DST: variants seen among roughly 807,000 people sequenced by gnomAD.
The protein encoded by DST is bullous pemphigoid antigen.
DST carries 253 observed loss-of-function variants against 875.2 expected under a neutral mutation model. That is an observed-to-expected ratio of 0.29 (90% CI 0.26 to 0.32). The LOEUF is 0.32. DST is among the 10% of genes least tolerant of loss of function. The probability of loss-of-function intolerance (pLI) is 1.00; values close to 1 mark genes in which losing one functional copy is unlikely to be tolerated. For synonymous variants in DST, 3,124 were observed against 3,197.1 expected (o/e 0.98, Z 0.77); for missense variants, 8,287 against 9,111.6 (o/e 0.91, Z 3.68).
chr6:56,639,845 A>G (rs900745672), intron 19 of DST, 72 bp from the exon 20 acceptor site: 23 of 1,583,048 alleles, frequency 1.5e-5, no homozygotes, highest in Middle Eastern at 4.1e-4. Context: ...TAATGTATCT[A>G]TTATTGATTT....
intron 10 of DST, among the ~76,000 whole-genome samples, chr6:56,656,334 G>A (rs1039604320): frequency 6.6e-6 from 1 of 152,258 alleles, no homozygotes; most frequent in Admixed American, 6.5e-5. Flanking sequence ...AAAAGCACAT[G>A]TTGCTGCTTC....
At chr6:56,731,290 C>T (rs976710792) in intron 5 of DST, among the ~76,000 whole-genome samples, 15 of 152,218 alleles carry the variant, frequency 9.9e-5, no homozygotes, top group Non-Finnish European at 2.1e-4. Flanking sequence ...CAGGGTCACA[C>T]CACGTTACCC....
At chr6:56,835,871 C>T (rs879442316) in intron 4 of DST, among the ~76,000 whole-genome samples, 9 of 152,196 alleles carry the variant, frequency 5.9e-5, no homozygotes, top group Non-Finnish European at 1.0e-4. Context: ...ACTTTGTCAA[C>T]GCTCTTTGAC....
chr6:56,497,300 AT>A, intron 82 of DST, 78 bp downstream of exon 82: 1 of 1,519,722 alleles, frequency 6.6e-7, no homozygotes, highest in East Asian at 2.3e-5. Context: ...TTCTCCCACG[AT>A]TTATGTATCG....
chr6:56,627,179 T>A, intron 34 of DST, 25 bp downstream of exon 34: 3 of 1,527,740 alleles, frequency 2.0e-6, no homozygotes, highest in Non-Finnish European at 2.7e-6. Flanking sequence ...TATTAAATTT[T>A]ACTAAAGTTA....
chr6:56,598,145 T>G, intron 46 of DST, 139 bp from the exon 47 acceptor site: 1 of 866,074 alleles, frequency 1.2e-6, no homozygotes, highest in Non-Finnish European at 1.6e-6. Flanking sequence ...ACTTAACAAC[T>G]GAAATTAAAC....
chr6:56,918,167 C>T (rs1802262411), intron 2 of DST, among the ~76,000 whole-genome samples: 1 of 149,932 alleles, frequency 6.7e-6, no homozygotes, highest in African/African-American at 2.5e-5. Context: ...TGCTTTGTCA[C>T]CCAAGCTGGA....
At chr6:56,793,303 C>T (rs376633877) in intron 4 of DST, among the ~76,000 whole-genome samples, 1 of 151,916 alleles carries the variant, frequency 6.6e-6, no homozygotes, top group African/African-American at 2.4e-5. Context: ...TCTGACAACA[C>T]AAATACTTAA....
At chr6:56,954,371 T>C (rs528418471) in intron 1 of DST, 36 bp downstream of exon 1, 191 of 1,344,310 alleles carry the variant, frequency 1.4e-4, no homozygotes, top group Non-Finnish European at 1.8e-4. Context: ...TAATTGTTCC[T>C]GGTAGCCCGC....
At chr6:56,475,813 C>G (rs142700690) in intron 92 of DST, among the ~76,000 whole-genome samples, 3,836 of 152,158 alleles carry the variant, frequency 0.025, 73 homozygotes, top group Non-Finnish European at 0.043. Context: ...AAAGAGGGAA[C>G]AGAGTGAGAG....
At chr6:56,538,203 T>C (rs2097051822) in intron 61 of DST, among the ~76,000 whole-genome samples, 1 of 152,190 alleles carries the variant, frequency 6.6e-6, no homozygotes, top group Non-Finnish European at 1.5e-5. Flanking sequence ...TTGTCCAGGC[T>C]GGTCTCAAAC....
At chr6:56,801,231 G>C (rs936352258) in intron 4 of DST, among the ~76,000 whole-genome samples, 7 of 151,882 alleles carry the variant, frequency 4.6e-5, no homozygotes, top group African/African-American at 1.7e-4. Context: ...TCTCATCCAG[G>C]ACGACAATGC....
intron 3 of DST, among the ~76,000 whole-genome samples, chr6:56,870,998 T>C (rs1776828568): frequency 6.6e-6 from 1 of 151,892 alleles, no homozygotes; most frequent in Non-Finnish European, 1.5e-5. Flanking sequence ...AGAATATGTA[T>C]ATATAAAGAA....
intron 4 of DST, among the ~76,000 whole-genome samples, chr6:56,772,018 A>C (rs1348520967): frequency 6.6e-6 from 1 of 152,230 alleles, no homozygotes; most frequent in East Asian, 1.9e-4. Context: ...AGTATTAGTT[A>C]TAAAAGGTTC....
chr6:56,471,060 T>C (rs1026829383), intron 95 of DST, 46 bp downstream of exon 95: 42 of 1,556,948 alleles, frequency 2.7e-5, no homozygotes, highest in Non-Finnish European at 3.6e-5. Flanking sequence ...TGTGCTTATT[T>C]CCTTTAAAAA....
chr6:56,714,464 T>C lies in DST; in HGVS notation c.688-10095A>G, dbSNP rs1008201018. On this transcript the variant is annotated intron_variant, in intron 5 of 103. Transcript: ENST00000680361. This position sits in a 1 kb window ranked among gnomAD's most constrained non-coding sequence, Gnocchi z 4.5. The stretch of plus-strand genomic sequence containing the variant: ...TTTTCCCAGTTGTAAAAGCCCAGTG[T>C]CACAGAAGAGGTACTGCACTGATGT... Among the ~76,000 whole-genome samples the C allele has an allele frequency of 2.6e-5, 4 of 152,172 alleles. No homozygotes were observed. The highest frequency in any genetic ancestry group is 5.9e-5 in the Non-Finnish European group (4 of 68,034).
At chr6:56,649,168 G>C (rs1055841297) in intron 12 of DST, among the ~76,000 whole-genome samples, 6 of 152,152 alleles carry the variant, frequency 3.9e-5, no homozygotes, top group Non-Finnish European at 7.4e-5. Flanking sequence ...CAAACTACAG[G>C]AAATGTATAT....
At chr6:56,751,073 T>C (rs1331577745) in intron 4 of DST, among the ~76,000 whole-genome samples, 1 of 152,152 alleles carries the variant, frequency 6.6e-6, no homozygotes, top group African/African-American at 2.4e-5. Flanking sequence ...CTTCAGGTTC[T>C]GGAATCTAAA....
chr6:56,618,341 C>G, intron 36 of DST: 4 of 1,614,166 alleles, frequency 2.5e-6, no homozygotes, highest in Non-Finnish European at 3.4e-6. Context: ...TCCAGTGTTT[C>G]TAGAGGACAG....
Sources: gnomAD v4.1 joint callset for allele counts (sites outside exome capture counted in the v4.1 genomes callset) on GRCh38, gnomAD v4.1.1 for gene constraint, Gnocchi (gnomAD v3.1) non-coding constraint, MANE v1.5 for transcripts, NCBI Gene and HGNC (gene_info 2026-07-23, HGNC 2026-07-21) for gene names.